Variants in RAB3GAP1 observed in about 807,000 individuals in gnomAD.
RAB3GAP1 encodes rab3 GTPase-activating protein catalytic subunit.
RAB3GAP1 carries 86 observed loss-of-function variants against 130.7 expected under a neutral mutation model. The observed-to-expected ratio is 0.66, with a 90% CI of 0.55 to 0.79. The LOEUF is 0.79. Ranked by LOEUF, RAB3GAP1 falls within the 30% of genes least tolerant of loss-of-function variation. The pLI is 0.00. For missense variants in RAB3GAP1, 1,029 were observed against 1,169.4 expected (o/e 0.88, Z 1.75); for synonymous variants, 367 against 401.7 (o/e 0.91, Z 1.03).
At position 135,168,801 on chromosome 2, in the gene RAB3GAP1, T is replaced by G; in HGVS notation, c.*20T>G. 6.2e-7 allele frequency: 1 copy of G among 1,602,956 alleles called. No individual in the cohort carries two copies. Among genetic ancestry groups the G allele is most frequent in the Non-Finnish European group, 8.5e-7 (1 of 1,169,916 alleles). On this transcript the variant is annotated 3_prime_UTR_variant, in exon 24 of 24. Coordinates refer to ENST00000264158, the MANE Select transcript of RAB3GAP1 (RefSeq NM_012233.3). ...TTCTGATTCTTCTAGCATTACTCGT[T>G]GGTGGCTTCAGAGACAGTGCTGCCT...
intron 3 of RAB3GAP1, among the ~76,000 whole-genome samples, chr2:135,071,487 C>T (rs1375502254): frequency 6.7e-6 from 1 of 150,018 alleles, no homozygotes; most frequent in Non-Finnish European, 1.5e-5. Flanking sequence ...CTGGCTGGGG[C>T]TGGTGTTGCA....
chr2:135,126,337 T>G, intron 10 of RAB3GAP1, 88 bp downstream of exon 10: 1 of 1,107,896 alleles, frequency 9.0e-7, no homozygotes, highest in Non-Finnish European at 1.3e-6. Flanking sequence ...ATATGCATTT[T>G]TTATTATTTT....
Position 135,162,743 on chromosome 2 carries a change from A to G in RAB3GAP1, c.2387-5A>G, listed in dbSNP as rs368662856. ...TAATGCTGGCTTCAATCTTTTCTAA[A>G]ATAGAAAGTCTCGAAAACATTTCTT... is the stretch of plus-strand genomic sequence containing the variant. On this transcript the variant is annotated splice_region_variant and splice_polypyrimidine_tract_variant and intron_variant, in intron 20 of 23. Transcript: ENST00000264158. The G allele has an allele frequency of 2.5e-6, 4 of 1,610,926 alleles. No individual in the cohort carries two copies. In the African/African-American group the frequency reaches 5.3e-5, roughly 21 times the overall value.
At chr2:135,118,652 C>T (rs926752534) in intron 7 of RAB3GAP1, among the ~76,000 whole-genome samples, 2 of 152,136 alleles carry the variant, frequency 1.3e-5, no homozygotes, top group Non-Finnish European at 2.9e-5. Context: ...CATCCATCCT[C>T]TCTAGTGATT....
chr2:135,106,349 G>T (rs980123486), intron 5 of RAB3GAP1, among the ~76,000 whole-genome samples: 1 of 152,258 alleles, frequency 6.6e-6, no homozygotes. Context: ...AGAGAAATCA[G>T]ATTGTTGCTG....
chr2:135,112,832 TCTCACACACACA>T (rs1025829667), intron 5 of RAB3GAP1, among the ~76,000 whole-genome samples: 2 of 115,840 alleles, frequency 1.7e-5, no homozygotes, highest in African/African-American at 9.9e-5. Context: ...TCTCTCTCTC[TCTCACACACACA>T]CACACACACA....
intron 3 of RAB3GAP1, chr2:135,058,326 A>T (rs577974528): frequency 6.4e-4 from 185 of 288,520 alleles, no homozygotes; most frequent in Non-Finnish European, 8.6e-4. Flanking sequence ...TATATATATA[A>T]AATGTCATTC....
Position 135,135,324 on chromosome 2 carries a change from A to C in RAB3GAP1, c.1554+5A>C. On this transcript the variant is annotated splice_donor_5th_base_variant and intron_variant, in intron 16 of 23. Transcript: ENST00000264158. ...TTACTGCATCAGAAACTACAGGTAA[A>C]GATTTCTCAATGACATGGATAAATG... The C allele has an allele frequency of 6.3e-7, 1 of 1,596,536 alleles. No homozygotes were observed. The highest frequency in any genetic ancestry group is 8.6e-7 in the Non-Finnish European group (1 of 1,164,146).
intron 7 of RAB3GAP1, 63 bp from the exon 8 acceptor site, chr2:135,120,756 G>A: frequency 1.7e-6 from 2 of 1,204,054 alleles, no homozygotes; most frequent in South Asian, 2.4e-5. Flanking sequence ...AAATTTTGAT[G>A]TTGAATTAAT....
chr2:135,094,692 A>G (rs1690241835), intron 5 of RAB3GAP1, among the ~76,000 whole-genome samples: 1 of 152,178 alleles, frequency 6.6e-6, no homozygotes, highest in Non-Finnish European at 1.5e-5. Context: ...CCATGTTTAC[A>G]CACTTAAATG....
Position 135,135,925 on chromosome 2 carries a change from T to C in RAB3GAP1, c.1916T>C (p.Val639Ala). ...LHNGEPLYIP[V>A]TQEPAPMTED... ...AATGGAGAACCTCTCTACATTCCAG[T>C]AACCCAGGTAGGATGCACTAGTTCT... is the stretch of plus-strand genomic sequence containing the variant. The change falls in exon 17 of 24, where the codon GTA becomes GCA. Residue 639 changes from valine (V) to alanine (A), a missense_variant. Val to Ala is a moderately conservative substitution (Grantham distance 64). Around this residue, in one of 3 missense-constraint regions of RAB3GAP1, gnomAD observed 373 missense variants for 493.6 expected, o/e 0.76. Transcript: ENST00000264158. 6.2e-7 allele frequency: 1 copy of C among 1,613,920 alleles called. No homozygotes were observed. The highest frequency in any genetic ancestry group is 8.5e-7 in the Non-Finnish European group (1 of 1,179,726).
rs1487153742 is a variant in RAB3GAP1, at chr2:135,132,881, T to C, written c.1237-14T>C. On this transcript the variant is annotated splice_polypyrimidine_tract_variant and intron_variant, in intron 13 of 23. Coordinates refer to ENST00000264158, the MANE Select transcript of RAB3GAP1 (RefSeq NM_012233.3). ...GTGGTCTAAAATGTGATTATTTTTT[T>C]CCTTTCCTTCAAGTTCTTATTCCCT... 7.6e-6 allele frequency: 11 copies of C among 1,439,470 alleles called. No homozygotes were observed. In the African/African-American group the frequency reaches 9.8e-5, roughly 13 times the overall value. The allele number at this position is 1,439,470 out of a possible 1,614,324, so 89.2% of individuals were successfully genotyped here. A position where few individuals can be genotyped will look rare whatever the true frequency, so the allele number is the denominator to read the frequency against.
chr2:135,081,365 C>CT (rs1689813931), intron 3 of RAB3GAP1, among the ~76,000 whole-genome samples: 1 of 67,986 alleles, frequency 1.5e-5, no homozygotes, highest in African/African-American at 8.8e-5. Flanking sequence ...TATATATACA[C>CT]ACACGTGTGT....
At chr2:135,081,327 A>AAAAAAAATAT (rs1363481112) in intron 3 of RAB3GAP1, among the ~76,000 whole-genome samples, 4 of 64,048 alleles carry the variant, frequency 6.2e-5, no homozygotes, top group South Asian at 9.4e-4. Flanking sequence ...AAAAAAAAAA[A>AAAAAAAATAT]ATATATATAT....
chr2:135,130,225 G>A (rs1390596005), intron 12 of RAB3GAP1, 138 bp downstream of exon 12: 18 of 754,040 alleles, frequency 2.4e-5, no homozygotes, highest in Non-Finnish European at 3.2e-5. Flanking sequence ...GACAGCTACA[G>A]TTCCTTTCCA....
intron 22 of RAB3GAP1, among the ~76,000 whole-genome samples, chr2:135,164,361 T>C (rs1692565185): frequency 6.6e-6 from 1 of 152,220 alleles, no homozygotes; most frequent in South Asian, 2.1e-4. Context: ...TTGACAGAGA[T>C]AGGCTTTAAA....
chr2:135,099,947 G>A (rs1048374637), intron 5 of RAB3GAP1, among the ~76,000 whole-genome samples: 2 of 152,122 alleles, frequency 1.3e-5, no homozygotes, highest in Non-Finnish European at 2.9e-5. Flanking sequence ...AAGATAGGCA[G>A]CTTCCAAGTC....
intron 17 of RAB3GAP1, among the ~76,000 whole-genome samples, chr2:135,140,386 A>G (rs1691804179): frequency 6.6e-6 from 1 of 152,208 alleles, no homozygotes; most frequent in Admixed American, 6.5e-5. Context: ...TAGTTATTCT[A>G]CAGAATCCTC....
Position 135,168,754 on chromosome 2 carries a change from CT to C in RAB3GAP1, c.2923del (p.Ser975HisfsTer46), listed in dbSNP as rs1692743821. The C allele has an allele frequency of 6.2e-7, 1 of 1,613,966 alleles. No individual in the cohort carries two copies. The highest frequency in any genetic ancestry group is 8.5e-7 in the Non-Finnish European group (1 of 1,179,816). ...AAGAGGACTTTAGACTTGCAGGTGC[CT>C]TTTCATCAGATACTTCCTTCTTCTG... ...TKEDFRLAGAFSSDTSFF is the reference protein window; with the variant it reads ...TKEDFRLAGAXSSDTSFF On this transcript the variant is annotated frameshift_variant, in exon 24 of 24. Coordinates refer to ENST00000264158, the MANE Select transcript of RAB3GAP1 (RefSeq NM_012233.3). LOFTEE classifies it high-confidence loss of function.
Sources: allele counts gnomAD v4.1 joint callset (sites outside exome capture counted in the v4.1 genomes callset), GRCh38; gene constraint gnomAD v4.1.1; regional missense constraint gnomAD v4.1.1; transcripts MANE v1.5; gene names NCBI Gene and HGNC (gene_info 2026-07-23, HGNC 2026-07-21).